Variants in PCNT observed in about 807,000 individuals in gnomAD.
PCNT encodes pericentrin.
Under a neutral mutation model 380.4 loss-of-function variants are expected in PCNT, and 319 were observed. The ratio of observed to expected loss-of-function variants is 0.84; its 90% CI spans 0.77 to 0.92. The LOEUF is 0.92. Ranked by LOEUF, PCNT falls within the 40% of genes least tolerant of loss-of-function variation. PCNT has a pLI of 0.00. For synonymous variants in PCNT, 1,845 were observed against 1,735.2 expected, an observed-to-expected ratio of 1.06 and a Z score of -1.57; for missense variants, 4,400 against 4,255.3, an observed-to-expected ratio of 1.03 and a Z score of -0.95.
Position 46,381,765 on chromosome 21 carries a change from G to T in PCNT, c.3237G>T (p.Gln1079His). The T allele has an allele frequency of 6.2e-7, 1 of 1,614,192 alleles. No individual in the cohort carries two copies. The highest frequency in any genetic ancestry group is 8.5e-7 in the Non-Finnish European group (1 of 1,179,988). ...KEETLRLQSA[Q>H]AQPFHQEEKE... Reference sequence around the variant, plus strand: ...AGACACTTCGGCTTCAGAGTGCACAGGCACAGCCTTTTCACCAAGAGGAGA... The same window carrying T: ...AGACACTTCGGCTTCAGAGTGCACATGCACAGCCTTTTCACCAAGAGGAGA... Residue 1079 changes from glutamine to histidine, a missense_variant, in exon 16 of 47, where the codon CAG (glutamine) becomes CAT (histidine). By Grantham distance (24) the Gln-to-His change is conservative (BLOSUM62 0). Coordinates refer to ENST00000359568, the MANE Select transcript of PCNT (RefSeq NM_006031.6).
chr21:46,393,690 G>C (rs1006010886), intron 21 of PCNT, among the ~76,000 whole-genome samples: 3 of 152,226 alleles, frequency 2.0e-5, no homozygotes, highest in Middle Eastern at 3.2e-3. Flanking sequence ...TGTGGCTAGC[G>C]CCCCCGTGTC....
At chr21:46,401,232 T>TG (rs2086416900) in intron 25 of PCNT, among the ~76,000 whole-genome samples, 1 of 152,250 alleles carries the variant, frequency 6.6e-6, no homozygotes, top group African/African-American at 2.4e-5. Context: ...GCCATTGCCC[T>TG]ATTTTTTTTG....
At chr21:46,410,559 T>G (rs552983845) in intron 27 of PCNT, among the ~76,000 whole-genome samples, 2 of 152,362 alleles carry the variant, frequency 1.3e-5, no homozygotes, top group African/African-American at 4.8e-5. Flanking sequence ...TTTTATGGGT[T>G]TAGAAAGATG....
At chr21:46,357,687 C>G (rs2084526896) in intron 13 of PCNT, among the ~76,000 whole-genome samples, 1 of 152,160 alleles carries the variant, frequency 6.6e-6, no homozygotes, top group Non-Finnish European at 1.5e-5. Flanking sequence ...CCTTGGCCTC[C>G]TACAGTGCTG....
At chr21:46,422,215 T>A (rs2087283040) in intron 32 of PCNT, 91 bp downstream of exon 32, 3 of 1,506,458 alleles carry the variant, frequency 2.0e-6, no homozygotes, top group Admixed American at 3.6e-5. Context: ...GGGGAGAGCC[T>A]TGGAGGGCCA....
At chr21:46,371,533 A>G (rs540138813) in intron 15 of PCNT, among the ~76,000 whole-genome samples, 4 of 152,300 alleles carry the variant, frequency 2.6e-5, no homozygotes, top group African/African-American at 9.6e-5. Context: ...CTTGTGTGTC[A>G]GAATATGCGT....
At chr21:46,368,965 C>A (rs373918531) in intron 15 of PCNT, among the ~76,000 whole-genome samples, 4 of 152,212 alleles carry the variant, frequency 2.6e-5, no homozygotes, top group Non-Finnish European at 5.9e-5. Flanking sequence ...GGCTCCAAAG[C>A]GTTGGCTTAT....
intron 44 of PCNT, among the ~76,000 whole-genome samples, chr21:46,443,585 C>T (rs2053669163): frequency 1.3e-5 from 2 of 152,104 alleles, no homozygotes; most frequent in Non-Finnish European, 2.9e-5. Context: ...CCCTGCCCCG[C>T]ACTCCCCCGG....
At chr21:46,443,552 C>T (rs1175223367) in intron 44 of PCNT, among the ~76,000 whole-genome samples, 1 of 152,150 alleles carries the variant, frequency 6.6e-6, no homozygotes, top group African/African-American at 2.4e-5. Flanking sequence ...AGAGGCAGGA[C>T]CCCCACCCAG....
At chr21:46,417,988 T>C (rs1375727920) in intron 30 of PCNT, among the ~76,000 whole-genome samples, 1 of 152,236 alleles carries the variant, frequency 6.6e-6, no homozygotes, top group Non-Finnish European at 1.5e-5. Context: ...CTGAAATATT[T>C]ACTATTGGCT....
chr21:46,422,707 C>T (rs1002527416), intron 32 of PCNT, among the ~76,000 whole-genome samples: 1 of 152,108 alleles, frequency 6.6e-6, no homozygotes, highest in African/African-American at 2.4e-5. Context: ...AAACATATTC[C>T]CAAACAAAAC....
chr21:46,416,351 C>T lies in PCNT; in HGVS notation c.6433C>T (p.Gln2145Ter), dbSNP rs1182495351. Residue 2145 changes from glutamine (Q) to a stop codon, truncating the protein, a stop_gained, in exon 30 of 47, where the codon CAG (glutamine) becomes TAG (stop). Coordinates refer to ENST00000359568, the MANE Select transcript of PCNT (RefSeq NM_006031.6). LOFTEE classifies it high-confidence loss of function. ...TGGVTDVIKN[Q>*]AIDACDANTT... Reference sequence around the variant, plus strand: ...GGGTGTAACTGATGTTATCAAAAATCAGGCCATAGACGCGTGTGATGCCAA... The same window carrying T: ...GGGTGTAACTGATGTTATCAAAAATTAGGCCATAGACGCGTGTGATGCCAA... The T allele has an allele frequency of 6.2e-7, 1 of 1,614,092 alleles. No homozygotes were observed. Among genetic ancestry groups the T allele is most frequent in the Non-Finnish European group, 8.5e-7 (1 of 1,179,984 alleles).
chr21:46,339,395 A>C (rs1277024593), intron 3 of PCNT, among the ~76,000 whole-genome samples: 5 of 152,226 alleles, frequency 3.3e-5, no homozygotes, highest in Admixed American at 3.3e-4. Flanking sequence ...TTAGAGGGAC[A>C]GAACTAAAAG....
At chr21:46,418,089 A>T (rs2087103538) in intron 30 of PCNT, 115 bp from the exon 31 acceptor site, 1 of 700,804 alleles carries the variant, frequency 1.4e-6, no homozygotes, top group Non-Finnish European at 2.6e-6. Flanking sequence ...GAGTTGTTTC[A>T]TCTGGGGTCT....
rs1454930300 is a variant in PCNT at position 46,403,472 on chromosome 21, G to T, written c.5115+989G>T. On this transcript the variant is annotated intron_variant, in intron 27 of 46. Coordinates refer to ENST00000359568, the MANE Select transcript of PCNT (RefSeq NM_006031.6). ...TGTGGTGCCCACGCGGCACGTGCTT[G>T]GTGAATGAACACAGCGTGGGAGAAT... 1.6e-5 allele frequency among the ~76,000 whole-genome samples: 2 copies of T among 123,112 alleles called. 1 individual carries two copies. The highest frequency in any genetic ancestry group is 6.0e-5 in the African/African-American group (2 of 33,148). 80.8% of individuals were successfully genotyped at this position (123,112 alleles called of 152,430 possible).
Position 46,398,015 on chromosome 21 carries a change from A to C in PCNT, c.4448A>C (p.Glu1483Ala), listed in dbSNP as rs770836619. The C allele has an allele frequency of 1.9e-6, 3 of 1,580,724 alleles. No individual in the cohort carries two copies. In the Admixed American group the frequency reaches 5.4e-5, roughly 29 times the overall value. ...HLRNQRQFMD[E>A]QAAEREHERE... ...CCAACACGCTGCCTCTCCTCCCAGG[A>C]GCAGGCAGCCGAGCGGGAGCACGAG... Residue 1483 changes from glutamate to alanine, a missense_variant and splice_region_variant, in exon 23 of 47, where the codon GAG becomes GCG. Physicochemically the swap from Glu to Ala is moderately radical, Grantham distance 107 (BLOSUM62 -1). Transcript: ENST00000359568.
Position 46,390,793 on chromosome 21 carries a change from G to A in PCNT, c.3964G>A (p.Ala1322Thr). 5 of 1,611,932 alleles carry A rather than the reference G, an allele frequency of 3.1e-6. No individual in the cohort carries two copies. Among genetic ancestry groups the A allele is most frequent in the Non-Finnish European group, 3.4e-6 (4 of 1,179,406 alleles). Residue 1322 changes from alanine to threonine, a missense_variant, in exon 20 of 47, where the codon GCA becomes ACA. By Grantham distance (58) the Ala-to-Thr change is moderately conservative. Coordinates refer to ENST00000359568, the MANE Select transcript of PCNT (RefSeq NM_006031.6). ...GGAGTGTTTGAAGGAGGAGAGCGCA[G>A]CAAAGGCAGAGCTGGCGCTGGAGCT... ...LLECLKEESA[A>T]KAELALELHK...
chr21:46,388,464 G>A lies in PCNT; in HGVS notation c.3465-278G>A, dbSNP rs565801784. On this transcript the variant is annotated intron_variant, in intron 17 of 46. Coordinates refer to ENST00000359568, the MANE Select transcript of PCNT (RefSeq NM_006031.6). The surrounding 1 kb of genome is among the most constrained non-coding windows in gnomAD (Gnocchi z 4.2). ...CGCACACCTGCGGGACGGGTTTGCC[G>A]TGTTCCTAATGTGATGCCTTTTACA... Among the ~76,000 whole-genome samples the A allele has an allele frequency of 1.3e-5, 2 of 152,352 alleles. No homozygotes were observed. The highest frequency in any genetic ancestry group is 2.4e-5 in the African/African-American group (1 of 41,590).
At chr21:46,396,002 A>G (rs2086197123) in intron 21 of PCNT, among the ~76,000 whole-genome samples, 1 of 148,644 alleles carries the variant, frequency 6.7e-6, no homozygotes, top group Non-Finnish European at 1.5e-5. Context: ...TAAAATAGAG[A>G]CTTCAGGATT....
Sources: gnomAD v4.1 joint callset for allele counts (sites outside exome capture counted in the v4.1 genomes callset) on GRCh38, gnomAD v4.1.1 for gene constraint, Gnocchi (gnomAD v3.1) non-coding constraint, MANE v1.5 for transcripts, NCBI Gene and HGNC (gene_info 2026-07-23, HGNC 2026-07-21) for gene names.